MYO9A: variants seen among roughly 807,000 people sequenced by gnomAD.
MYO9A encodes the protein myosin IXA, also known as unconventional myosin-IXa.
MYO9A carries 103 observed loss-of-function variants against 293.3 expected under a neutral mutation model. That is an observed-to-expected ratio of 0.35 (90% CI 0.30 to 0.41). The LOEUF (loss-of-function observed/expected upper bound fraction) is 0.41, where lower values mean the gene tolerates loss of function less well. Ranked by LOEUF, MYO9A falls within the 10% of genes least tolerant of loss-of-function variation. MYO9A has a pLI of 1.00. For missense variants in MYO9A, 2,685 were observed against 3,033.0 expected, an observed-to-expected ratio of 0.89 and a Z score of 2.69; for synonymous variants, 1,001 against 1,035.7, an observed-to-expected ratio of 0.97 and a Z score of 0.64.
chr15:71,872,635 T>C (rs530525360), intron 32 of MYO9A, among the ~76,000 whole-genome samples: 4 of 152,262 alleles, frequency 2.6e-5, no homozygotes, highest in Admixed American at 2.6e-4. Context: ...TGAATGGATA[T>C]AATATAAACC....
intron 12 of MYO9A, among the ~76,000 whole-genome samples, chr15:71,973,249 G>C (rs572651930): frequency 3.9e-4 from 59 of 152,264 alleles, no homozygotes; most frequent in African/African-American, 1.4e-3. Context: ...CCCACCTTCA[G>C]ACACCAGCCA....
chr15:71,948,540 T>C (rs577967231), intron 15 of MYO9A, among the ~76,000 whole-genome samples: 24 of 152,288 alleles, frequency 1.6e-4, no homozygotes, highest in African/African-American at 5.5e-4. Flanking sequence ...ATTTATGTAT[T>C]GTCTATGGCT....
At chr15:72,016,419 C>A (rs1177704181) in intron 6 of MYO9A, among the ~76,000 whole-genome samples, 2 of 152,212 alleles carry the variant, frequency 1.3e-5, no homozygotes, top group Admixed American at 1.3e-4. Context: ...AATCACCACA[C>A]AAGGGCAACA....
Position 71,904,960 on chromosome 15 carries a change from T to C in MYO9A, c.2732A>G (p.Tyr911Cys), listed in dbSNP as rs1341695037. Residue 911 changes from tyrosine to cysteine, a missense_variant, in exon 20 of 42, where the codon TAT becomes TGT. By Grantham distance (194) the Tyr-to-Cys change is radical (BLOSUM62 -2). This residue lies in a region of MYO9A where 1,434 missense variants were observed against 1,497.7 expected (regional missense o/e 0.96). Coordinates refer to ENST00000356056, the MANE Select transcript of MYO9A (RefSeq NM_006901.4). ...LMETLGQAEPYFVKCIRSNAE... is the reference protein window; with the variant it reads ...LMETLGQAEPCFVKCIRSNAE... ...ATTAGAGCGAATGCATTTTACAAAA[T>C]ATGGTTCTGCTTGACCAAGTGTTTC... 1.8e-5 allele frequency: 29 copies of C among 1,606,090 alleles called. No homozygotes were observed. Among genetic ancestry groups the C allele is most frequent in the Non-Finnish European group, 2.4e-5 (28 of 1,174,864 alleles).
intron 8 of MYO9A, among the ~76,000 whole-genome samples, chr15:72,005,216 C>T (rs2076981727): frequency 6.6e-6 from 1 of 152,126 alleles, no homozygotes; most frequent in Non-Finnish European, 1.5e-5. Flanking sequence ...AGCCAGGGTT[C>T]AAAAGTAAGA....
chr15:72,074,241 T>G (rs2079277467), intron 1 of MYO9A, among the ~76,000 whole-genome samples: 1 of 152,178 alleles, frequency 6.6e-6, no homozygotes, highest in South Asian at 2.1e-4. Flanking sequence ...ATTAAAAACT[T>G]AGAATACCAC....
At chr15:71,920,272 A>C (rs2058122385) in intron 18 of MYO9A, among the ~76,000 whole-genome samples, 1 of 152,194 alleles carries the variant, frequency 6.6e-6, no homozygotes, top group African/African-American at 2.4e-5. Flanking sequence ...GTAGGCAAAA[A>C]GATTAATGAG....
At chr15:71,985,319 C>A (rs140552082) in intron 11 of MYO9A, among the ~76,000 whole-genome samples, 222 of 152,174 alleles carry the variant, frequency 1.5e-3, no homozygotes, top group Admixed American at 2.4e-3. Flanking sequence ...AGTGTTAGAT[C>A]CTGTATATGA....
At chr15:71,919,089 A>G (rs1475651481) in intron 18 of MYO9A, among the ~76,000 whole-genome samples, 1 of 152,180 alleles carries the variant, frequency 6.6e-6, no homozygotes, top group African/African-American at 2.4e-5. Context: ...TGCACATAAT[A>G]TCATCTAAAT....
intron 14 of MYO9A, chr15:71,958,829 A>G (rs1466552035): frequency 6.6e-6 from 1 of 152,232 alleles, no homozygotes; most frequent in Non-Finnish European, 1.5e-5. Flanking sequence ...CATTGCCGAT[A>G]TTGATAATAA....
chr15:72,077,594 A>C (rs1200210750), intron 1 of MYO9A, among the ~76,000 whole-genome samples: 2 of 151,678 alleles, frequency 1.3e-5, no homozygotes, highest in Non-Finnish European at 2.9e-5. Context: ...CAGGAGGCTG[A>C]GGCAAGAGAA....
intron 2 of MYO9A, chr15:72,041,075 T>C (rs1448432089): frequency 4.4e-6 from 2 of 457,364 alleles, no homozygotes; most frequent in African/African-American, 2.0e-5. Context: ...TAAAACTCCA[T>C]CTCTACAAAA....
Position 71,883,456 on chromosome 15 carries a change from G to GT in MYO9A, c.5398+137_5398+138insA, listed in dbSNP as rs2056932731. 4.7e-6 allele frequency: 4 copies of GT among 857,606 alleles called. No individual in the cohort carries two copies. The East Asian group carries it at 1.1e-4, about 24-fold the overall frequency. 53.1% of individuals were successfully genotyped at this position (857,606 alleles called of 1,614,324 possible). On this transcript the variant is annotated intron_variant, in intron 28 of 41. Transcript: ENST00000356056. ...TAACTTTATTTTTTAGTTAAGGAAG[G>GT]ATTTAACAATGCTGGTCCTATCTCA...
At chr15:71,979,602 C>T (rs187106610) in intron 11 of MYO9A, among the ~76,000 whole-genome samples, 8 of 152,126 alleles carry the variant, frequency 5.3e-5, no homozygotes, top group African/African-American at 1.9e-4. Flanking sequence ...GTTGGATGTA[C>T]CTGAAGTTCA....
At chr15:71,950,744 A>G (rs2059030341) in intron 15 of MYO9A, among the ~76,000 whole-genome samples, 1 of 152,238 alleles carries the variant, frequency 6.6e-6, no homozygotes, top group Admixed American at 6.5e-5. Context: ...ATTTGTTCTT[A>G]GGAATTCTAC....
At chr15:71,861,578 TATCCATCC>T (rs199561922) in intron 33 of MYO9A, among the ~76,000 whole-genome samples, 1 of 147,638 alleles carries the variant, frequency 6.8e-6, no homozygotes, top group Non-Finnish European at 1.5e-5. Context: ...TTTATTCATT[TATCCATCC>T]ATCCATCCAT....
chr15:71,874,430 G>A (rs969728815), intron 32 of MYO9A, among the ~76,000 whole-genome samples: 1 of 152,072 alleles, frequency 6.6e-6, no homozygotes, highest in Non-Finnish European at 1.5e-5. Context: ...AAGGAACCAG[G>A]GGGAGAGTAG....
intron 16 of MYO9A, 91 bp from the exon 17 acceptor site, chr15:71,935,575 T>G (rs1047260316): frequency 1.6e-6 from 2 of 1,281,958 alleles, no homozygotes; most frequent in Non-Finnish European, 2.1e-6. Context: ...ATACTAAAGT[T>G]AAAATTTAGA....
chr15:71,954,575 T>C (rs1439143464), intron 14 of MYO9A, among the ~76,000 whole-genome samples: 1 of 152,236 alleles, frequency 6.6e-6, no homozygotes, highest in Non-Finnish European at 1.5e-5. Context: ...GTTGTGATGA[T>C]AATTTCTTAG....
Sources: allele counts gnomAD v4.1 joint callset (sites outside exome capture counted in the v4.1 genomes callset), GRCh38; gene constraint gnomAD v4.1.1; regional missense constraint gnomAD v4.1.1; transcripts MANE v1.5; gene names NCBI Gene and HGNC (gene_info 2026-07-23, HGNC 2026-07-21).